ABL2: variants seen among roughly 807,000 people sequenced by gnomAD.
The protein encoded by ABL2 is ABL proto-oncogene 2, non-receptor tyrosine kinase.
Under a neutral mutation model 107.7 loss-of-function variants are expected in ABL2, and 49 were observed. That is an observed-to-expected ratio of 0.45 (90% CI 0.36 to 0.58). The LOEUF is 0.58. Ranked by LOEUF, ABL2 falls within the 20% of genes least tolerant of loss-of-function variation. ABL2 has a pLI of 0.00. For synonymous variants in ABL2, 549 were observed against 548.6 expected (o/e 1.00, Z -0.01); for missense variants, 1,245 against 1,457.0 (o/e 0.85, Z 2.37).
intron 2 of ABL2, among the ~76,000 whole-genome samples, chr1:179,132,691 C>T (rs563350277): frequency 1.3e-5 from 2 of 152,136 alleles, no homozygotes; most frequent in East Asian, 3.9e-4. Context: ...AGGCGCCTGC[C>T]ACCATACCCA....
chr1:179,139,573 T>C (rs542007339), intron 1 of ABL2, among the ~76,000 whole-genome samples: 24 of 152,314 alleles, frequency 1.6e-4, no homozygotes, highest in Non-Finnish European at 2.4e-4. Context: ...AGAAATTCCA[T>C]TGGCACTGCC....
chr1:179,170,029 AACAACAACAACAACG>A (rs944389401), intron 1 of ABL2, among the ~76,000 whole-genome samples: 2 of 152,050 alleles, frequency 1.3e-5, no homozygotes, highest in African/African-American at 4.8e-5. Context: ...TGTCTCAAAA[AACAACAACAACAACG>A]ACAACAACAA....
chr1:179,117,867 C>T (rs978284547), intron 7 of ABL2, among the ~76,000 whole-genome samples: 16 of 151,934 alleles, frequency 1.1e-4, no homozygotes, highest in African/African-American at 3.9e-4. Context: ...GCCTGTAATC[C>T]TAGCACTTTG....
intron 1 of ABL2, among the ~76,000 whole-genome samples, chr1:179,163,388 A>G (rs1290869859): frequency 1.3e-5 from 2 of 152,188 alleles, no homozygotes; most frequent in Non-Finnish European, 2.9e-5. Flanking sequence ...TTACACTGGA[A>G]AAATGGAAAC....
chr1:179,099,990 C>T lies in ABL2; in HGVS notation c.*7728G>A, dbSNP rs998830361. On this transcript the variant is annotated 3_prime_UTR_variant, in exon 12 of 12. Transcript: ENST00000502732. ...AGCGATTCCTCTTTTACTTACTCCC[C>T]CTTTCTTAATGGGCACGACAGCAAT... is the stretch of plus-strand genomic sequence containing the variant. 2.6e-5 allele frequency: 6 copies of T among 232,566 alleles called. No homozygotes were observed. The Admixed American group carries it at 3.4e-4, about 13-fold the overall frequency. 14.4% of individuals were successfully genotyped at this position (232,566 alleles called of 1,614,324 possible). A position where few individuals can be genotyped will look rare whatever the true frequency, so the allele number is the denominator to read the frequency against.
In ABL2 at chr1:179,191,691, T is replaced by C. The variant is rs1661025702; in HGVS notation, c.157+37550A>G. Among the ~76,000 whole-genome samples the C allele has an allele frequency of 2.6e-5, 4 of 152,338 alleles. No individual in the cohort carries two copies. In the South Asian group the frequency reaches 8.3e-4, roughly 32 times the overall value. On this transcript the variant is annotated intron_variant, in intron 1 of 11. Transcript: ENST00000502732. ...CACCCACTTCGGCCTCCCAAAGTGCTGGGATTACAGGCATGAGCCACCTTG... is the reference window on the plus strand; with the variant it reads ...CACCCACTTCGGCCTCCCAAAGTGCCGGGATTACAGGCATGAGCCACCTTG...
Position 179,202,447 on chromosome 1 carries a change from CTGAG to C in ABL2, c.157+26790_157+26793del, listed in dbSNP as rs146270077. ...TTTCAATAGTTAACAGTATCTTAGA[CTGAG>C]TATGTTCTGTTCAACAGGTCACATA... On this transcript the variant is annotated intron_variant, in intron 1 of 11. Coordinates refer to ENST00000502732, the MANE Select transcript of ABL2 (RefSeq NM_007314.4). Among the ~76,000 whole-genome samples, 800 of 152,302 alleles carry C rather than the reference CTGAG, an allele frequency of 5.3e-3. 6 individuals are homozygous for C. Among genetic ancestry groups the C allele is most frequent in the African/African-American group, 0.018 (756 of 41,560 alleles).
At chr1:179,177,831 T>C (rs1323524243) in intron 1 of ABL2, among the ~76,000 whole-genome samples, 6 of 152,146 alleles carry the variant, frequency 3.9e-5, no homozygotes, top group Admixed American at 6.5e-5. Context: ...AAGGGAAAAA[T>C]TGCTATTAAA....
chr1:179,224,866 A>C (rs1038503363), intron 1 of ABL2, among the ~76,000 whole-genome samples: 1 of 151,782 alleles, frequency 6.6e-6, no homozygotes, highest in Non-Finnish European at 1.5e-5. Context: ...AAAAAAAAAA[A>C]AAACACAAAA....
Position 179,107,815 on chromosome 1 carries a change from T to C in ABL2, c.3452A>G (p.Gln1151Arg). The C allele has an allele frequency of 2.5e-6, 4 of 1,614,194 alleles. No individual in the cohort carries two copies. Among genetic ancestry groups the C allele is most frequent in the Non-Finnish European group, 3.4e-6 (4 of 1,180,026 alleles). ...CACACCAGCAGCTGCTGAAGAAACC[T>C]GTAGCTCCTGCAGGCTGAGTTCCAG... Reference protein sequence around the residue: ...SKLELSLQELQVSSAAAGVPG... With the variant: ...SKLELSLQELRVSSAAAGVPG... The change falls in exon 12 of 12, where the codon CAG (glutamine) becomes CGG (arginine). Residue 1151 changes from glutamine (Q) to arginine (R), a missense_variant. Gln to Arg is a conservative substitution (Grantham distance 43, BLOSUM62 1). Transcript: ENST00000502732.
chr1:179,107,276 G>A lies in ABL2; in HGVS notation c.*442C>T. 1 of 236,562 alleles carries A rather than the reference G, an allele frequency of 4.2e-6. No individual in the cohort carries two copies. Among genetic ancestry groups the A allele is most frequent in the East Asian group, 6.1e-5 (1 of 16,458 alleles). The allele number at this position is 236,562 out of a possible 1,614,324, so 14.7% of individuals were successfully genotyped here. A position where few individuals can be genotyped will look rare whatever the true frequency, so the allele number is the denominator to read the frequency against. The stretch of plus-strand genomic sequence containing the variant: ...AAAAATTTCTCTTGGTACATTCCCA[G>A]CTTTCTTTTCTGCTGTCCCACCAAA... On this transcript the variant is annotated 3_prime_UTR_variant, in exon 12 of 12. Transcript: ENST00000502732.
At chr1:179,188,619 C>G (rs1298846576) in intron 1 of ABL2, among the ~76,000 whole-genome samples, 1 of 152,132 alleles carries the variant, frequency 6.6e-6, no homozygotes, top group African/African-American at 2.4e-5. Context: ...TCCTTCCTAC[C>G]ACTAATCACC....
intron 1 of ABL2, among the ~76,000 whole-genome samples, chr1:179,223,412 CAA>C (rs34625592): frequency 3.8e-5 from 5 of 132,358 alleles, no homozygotes; most frequent in Admixed American, 7.6e-5. Flanking sequence ...GACCCTGTCT[CAA>C]AAAAAAAAAA....
intron 1 of ABL2, among the ~76,000 whole-genome samples, chr1:179,212,688 G>T (rs1370147251): frequency 6.9e-6 from 1 of 144,406 alleles, no homozygotes; most frequent in Non-Finnish European, 1.5e-5. Context: ...AGCCAAGATC[G>T]TGCCATTGCA....
intron 10 of ABL2, among the ~76,000 whole-genome samples, chr1:179,111,871 C>T (rs1319220218): frequency 2.0e-5 from 3 of 151,956 alleles, no homozygotes; most frequent in African/African-American, 7.2e-5. Flanking sequence ...TGGCGAAACC[C>T]CATCTCTACT....
intron 1 of ABL2, among the ~76,000 whole-genome samples, chr1:179,137,461 A>G (rs1259803350): frequency 6.6e-6 from 1 of 152,166 alleles, no homozygotes; most frequent in Non-Finnish European, 1.5e-5. Context: ...TGACACTGGT[A>G]ACACATTACA....
chr1:179,117,197 G>A lies in ABL2; in HGVS notation c.1408+135C>T, dbSNP rs971282084. 10 of 923,192 alleles carry A rather than the reference G, an allele frequency of 1.1e-5. No individual in the cohort carries two copies. In the African/African-American group the frequency reaches 1.5e-4, roughly 14 times the overall value. 57.2% of individuals were successfully genotyped at this position (923,192 alleles called of 1,614,324 possible). On this transcript the variant is annotated intron_variant, in intron 8 of 11. Coordinates refer to ENST00000502732, the MANE Select transcript of ABL2 (RefSeq NM_007314.4). ...GGCAGATAGGAGGTATTTAACAAAT[G>A]CTTGCTGAATAACTGAAGAAGAATG...
chr1:179,205,219 G>T (rs1807915), intron 1 of ABL2, among the ~76,000 whole-genome samples: 20,643 of 151,886 alleles, frequency 0.14, 1,529 homozygotes, highest in East Asian at 0.23. Context: ...TAGAGACGGG[G>T]TTTCACCATG....
chr1:179,184,606 G>T, intron 1 of ABL2: 1 of 545,612 alleles, frequency 1.8e-6, no homozygotes, highest in East Asian at 3.4e-5. Flanking sequence ...GGAAGGATTA[G>T]AAGATATTGA....
Sources: gnomAD v4.1 joint callset for allele counts (sites outside exome capture counted in the v4.1 genomes callset) on GRCh38, gnomAD v4.1.1 for gene constraint, MANE v1.5 for transcripts, NCBI Gene and HGNC (gene_info 2026-07-23, HGNC 2026-07-21) for gene names.